LINGO2: variants seen among roughly 807,000 people sequenced by gnomAD.
LINGO2 encodes leucine-rich repeat and immunoglobulin-like domain-containing nogo receptor-interacting protein 2.
LINGO2 carries 14 observed loss-of-function variants against 30.6 expected under a neutral mutation model. That is an observed-to-expected ratio of 0.46 (90% confidence interval 0.30 to 0.72). LINGO2 has a LOEUF of 0.72. LINGO2 is among the 30% of genes least tolerant of loss of function. The probability of loss-of-function intolerance (pLI) is 0.07; values close to 1 mark genes in which losing one functional copy is unlikely to be tolerated. For synonymous variants in LINGO2, 317 were observed against 288.5 expected (o/e 1.10, Z -1.00); for missense variants, 729 against 751.7 (o/e 0.97, Z 0.35).
chr9:28,010,924 C>T (rs1357336944), intron 5 of LINGO2, among the ~76,000 whole-genome samples: 2 of 152,228 alleles, frequency 1.3e-5, no homozygotes, highest in Non-Finnish European at 1.5e-5. Flanking sequence ...GGCCACTGCA[C>T]TCCAGCCTGG....
At chr9:29,000,285 G>C in the LINGO2 span, among the ~76,000 whole-genome samples, 1 of 151,836 alleles carries the variant, frequency 6.6e-6, no homozygotes, top group South Asian at 2.1e-4. Context: ...TATTCATTTT[G>C]TGAGAATATT....
At chr9:28,446,373 T>C (rs1051560597) in intron 2 of LINGO2, among the ~76,000 whole-genome samples, 1 of 152,226 alleles carries the variant, frequency 6.6e-6, no homozygotes, top group Non-Finnish European at 1.5e-5. Flanking sequence ...TGCTTGGCCA[T>C]TTTAAGCTGG....
the LINGO2 span, among the ~76,000 whole-genome samples, chr9:29,082,565 G>C: frequency 6.6e-6 from 1 of 152,052 alleles, no homozygotes; most frequent in Non-Finnish European, 1.5e-5. Flanking sequence ...GGCAACAAAA[G>C]CCAAAATTGA....
At chr9:28,344,689 G>A (rs1321317945) in intron 3 of LINGO2, among the ~76,000 whole-genome samples, 1 of 151,750 alleles carries the variant, frequency 6.6e-6, no homozygotes, top group African/African-American at 2.4e-5. Context: ...TAAATAAGCG[G>A]CACTAGTAAA....
the LINGO2 span, among the ~76,000 whole-genome samples, chr9:28,984,440 C>T: frequency 6.6e-6 from 1 of 151,898 alleles, no homozygotes; most frequent in Non-Finnish European, 1.5e-5. Flanking sequence ...TTTCTTACCT[C>T]CCTCTTTTGA....
At chr9:28,782,999 G>T in the LINGO2 span, among the ~76,000 whole-genome samples, 2 of 152,094 alleles carry the variant, frequency 1.3e-5, no homozygotes, top group African/African-American at 4.8e-5. Context: ...CAATGGTAAG[G>T]ATTATGTATC....
chr9:28,031,202 G>A (rs1823652895), intron 4 of LINGO2, among the ~76,000 whole-genome samples: 1 of 152,008 alleles, frequency 6.6e-6, no homozygotes, highest in African/African-American at 2.4e-5. Context: ...TAAAGGATGT[G>A]ATTTCTCTGA....
chr9:28,149,030 G>C (rs1180785273), intron 4 of LINGO2: 4 of 1,534,346 alleles, frequency 2.6e-6, no homozygotes, highest in Non-Finnish European at 3.5e-6. Context: ...TAGAGACGAG[G>C]GGCCCCCACC....
At chr9:28,347,516 C>T (rs906908331) in intron 3 of LINGO2, among the ~76,000 whole-genome samples, 1 of 152,070 alleles carries the variant, frequency 6.6e-6, no homozygotes, top group Admixed American at 6.5e-5. Context: ...ATCCATCCAC[C>T]CATCCATTCA....
At position 28,632,854 on chromosome 9, in the gene LINGO2, T is replaced by TATATATATATATATATA. The variant is rs1563878982; in HGVS notation, c.-365+37345_-365+37346insTATATATATATATATAT. ...TTATATATATAAATCTATATATATT[T>TATATATATATATATATA]TTTATATATATATATATATATATAT... On this transcript the variant is annotated intron_variant, in intron 1 of 5. Coordinates refer to ENST00000379992, the Ensembl canonical transcript of LINGO2. 6.7e-4 allele frequency among the ~76,000 whole-genome samples: 56 copies of TATATATATATATATATA among 83,040 alleles called. 3 individuals are homozygous for TATATATATATATATATA. The highest frequency in any genetic ancestry group is 3.9e-3 in the African/African-American group (51 of 13,102). 54.5% of individuals were successfully genotyped at this position (83,040 alleles called of 152,430 possible).
intron 4 of LINGO2, among the ~76,000 whole-genome samples, chr9:28,260,731 A>G (rs1822537070): frequency 6.6e-6 from 1 of 151,920 alleles, no homozygotes; most frequent in Admixed American, 6.6e-5. Flanking sequence ...TTATTTCTTG[A>G]GTTTCTCACC....
At chr9:29,109,717 C>G in the LINGO2 span, among the ~76,000 whole-genome samples, 1 of 152,174 alleles carries the variant, frequency 6.6e-6, no homozygotes. Flanking sequence ...AACAAATTTG[C>G]TTTTCTGTAC....
At chr9:28,477,710 C>T (rs1825785322) in intron 1 of LINGO2, among the ~76,000 whole-genome samples, 1 of 152,144 alleles carries the variant, frequency 6.6e-6, no homozygotes, top group African/African-American at 2.4e-5. Context: ...AGCTTTCTAC[C>T]TGTTCTCACT....
At chr9:28,951,415 G>A in the LINGO2 span, among the ~76,000 whole-genome samples, 2 of 152,022 alleles carry the variant, frequency 1.3e-5, no homozygotes, top group African/African-American at 2.4e-5. Flanking sequence ...GGTGAAGAAA[G>A]GGAGAAAGAG....
chr9:28,156,571 G>A (rs1032733733), intron 4 of LINGO2, among the ~76,000 whole-genome samples: 4 of 152,200 alleles, frequency 2.6e-5, no homozygotes, highest in African/African-American at 9.6e-5. Context: ...AATAATTGAT[G>A]TATGCTTTTC....
chr9:28,362,754 C>T (rs1249501763), intron 3 of LINGO2, among the ~76,000 whole-genome samples: 1 of 152,126 alleles, frequency 6.6e-6, no homozygotes, highest in Non-Finnish European at 1.5e-5. Context: ...CAGGTGTGAG[C>T]CACCACGCCC....
At chr9:28,284,980 A>T (rs1185687694) in intron 4 of LINGO2, among the ~76,000 whole-genome samples, 1 of 152,212 alleles carries the variant, frequency 6.6e-6, no homozygotes, top group Non-Finnish European at 1.5e-5. Context: ...GAAATGCACT[A>T]GACAAAGATA....
chr9:29,038,870 C>T, the LINGO2 span, among the ~76,000 whole-genome samples: 6 of 152,168 alleles, frequency 3.9e-5, no homozygotes, highest in African/African-American at 1.2e-4. Context: ...ACGCCTTAAC[C>T]GAGCAAATGC....
intron 1 of LINGO2, among the ~76,000 whole-genome samples, chr9:28,534,815 G>A (rs1242782075): frequency 2.0e-5 from 3 of 152,036 alleles, no homozygotes; most frequent in Non-Finnish European, 4.4e-5. Context: ...CATCATCCAT[G>A]GAGCTAAATT....
Sources: allele counts gnomAD v4.1 joint callset (sites outside exome capture counted in the v4.1 genomes callset), GRCh38; gene constraint gnomAD v4.1.1; transcripts MANE v1.5; gene names NCBI Gene and HGNC (gene_info 2026-07-23, HGNC 2026-07-21).